The following DOP1A variants were observed in gnomAD, a reference collection of about 807,000 sequenced individuals.
The protein encoded by DOP1A is DOP1 leucine zipper like protein A.
Under a neutral mutation model 267.6 loss-of-function variants are expected in DOP1A, and 90 were observed. That is an observed-to-expected ratio of 0.34 (90% CI 0.28 to 0.40). The LOEUF (loss-of-function observed/expected upper bound fraction) is 0.40. Among genes scored for constraint, DOP1A ranks in the 10% least tolerant of loss-of-function variants. The probability of loss-of-function intolerance (pLI) is 1.00; values close to 1 mark genes in which losing one functional copy is unlikely to be tolerated. For missense variants in DOP1A, 2,437 were observed against 2,900.4 expected (o/e 0.84, Z 3.67); for synonymous variants, 932 against 999.1 (o/e 0.93, Z 1.27).
At chr6:83,170,696 T>C (rs939795799), downstream of DOP1A, 4 of 476,460 alleles carry the variant, frequency 8.4e-6, no homozygotes, top group East Asian at 6.7e-5. Flanking sequence ...TTTCCACAAA[T>C]GCTTAGAGTT....
chr6:83,137,634 G>A lies in DOP1A; in HGVS notation c.3592G>A (p.Asp1198Asn). 6.2e-7 allele frequency: 1 copy of A among 1,613,818 alleles called. No individual in the cohort carries two copies. The highest frequency in any genetic ancestry group is 1.1e-5 in the South Asian group (1 of 91,080). The change falls in exon 21 of 39, where the codon GAT becomes AAT. Residue 1198 changes from aspartate (D) to asparagine (N), a missense_variant. Physicochemically the swap from Asp to Asn is conservative, Grantham distance 23. Coordinates refer to ENST00000349129, the MANE Select transcript of DOP1A (RefSeq NM_015018.4). Reference protein sequence around the residue: ...DPDEETIKIEDDSIQQSQNAL... With the variant: ...DPDEETIKIENDSIQQSQNAL... ...AGATGAAGAGACGATTAAAATTGAA[G>A]ATGACTCCATTCAACAGAGTCAGAA...
At position 83,151,899 on chromosome 6, in the gene DOP1A, T is replaced by C; in HGVS notation, c.5921T>C (p.Ile1974Thr). Residue 1974 changes from isoleucine to threonine, a missense_variant, in exon 29 of 39, where the codon ATA becomes ACA. Ile to Thr is a moderately conservative substitution (Grantham distance 89). Around this residue, in one of 9 missense-constraint regions of DOP1A, gnomAD observed 216 missense variants for 283.3 expected, o/e 0.76. Coordinates refer to ENST00000349129, the MANE Select transcript of DOP1A (RefSeq NM_015018.4). ...QRDLQDVTHK[I>T]VDAIGAIAGS... is the part of the protein sequence containing the mutation. ...TTTTTTTAGGATGTAACTCACAAAATAGTGGATGCAATTGGTGCAATTGCT... is the reference window on the plus strand; with the variant it reads ...TTTTTTTAGGATGTAACTCACAAAACAGTGGATGCAATTGGTGCAATTGCT... 8.1e-6 allele frequency: 13 copies of C among 1,613,780 alleles called. No homozygotes were observed. Among genetic ancestry groups the C allele is most frequent in the Non-Finnish European group, 1.1e-5 (13 of 1,179,852 alleles).
At chr6:83,113,269 G>T in intron 6 of DOP1A, 54 bp from the exon 7 acceptor site, 1 of 1,414,968 alleles carries the variant, frequency 7.1e-7, no homozygotes, top group Non-Finnish European at 9.8e-7. Context: ...CATTTTCGTG[G>T]CAAAAATGTC....
chr6:83,154,861 ATAT>A (rs1782447325), intron 33 of DOP1A, among the ~76,000 whole-genome samples: 1 of 152,210 alleles, frequency 6.6e-6, no homozygotes, highest in African/African-American at 2.4e-5. Context: ...TGATTCTGTA[ATAT>A]TTTTTAACAA....
At chr6:83,118,289 T>C (rs886231084) in intron 7 of DOP1A, among the ~76,000 whole-genome samples, 2 of 152,070 alleles carry the variant, frequency 1.3e-5, no homozygotes, top group Admixed American at 6.6e-5. Flanking sequence ...CCTTTAATCA[T>C]TTTTTTAAAC....
At chr6:83,152,097 T>G in intron 29 of DOP1A, 70 bp downstream of exon 29, 1 of 1,578,906 alleles carries the variant, frequency 6.3e-7, no homozygotes, top group Non-Finnish European at 8.7e-7. Flanking sequence ...TCATTTTGCC[T>G]AGCACTATAA....
intron 3 of DOP1A, among the ~76,000 whole-genome samples, chr6:83,099,617 A>G (rs1772163606): frequency 6.6e-6 from 1 of 152,110 alleles, no homozygotes; most frequent in South Asian, 2.1e-4. Context: ...AACTCAAAGA[A>G]GAATACCCAA....
chr6:83,171,055 T>C (rs1786988221), downstream of DOP1A: 1 of 152,762 alleles, frequency 6.5e-6, no homozygotes, highest in African/African-American at 2.4e-5. Context: ...AAAATAATGT[T>C]GGGGCCAGGT....
intron 16 of DOP1A, 110 bp downstream of exon 16, chr6:83,129,618 T>C: frequency 9.4e-7 from 1 of 1,063,582 alleles, no homozygotes; most frequent in Non-Finnish European, 1.3e-6. Context: ...CTTTTTTTAA[T>C]GTTTTAATTT....
chr6:83,166,628 A>G (rs1785738847), intron 38 of DOP1A: 9 of 892,930 alleles, frequency 1.0e-5, no homozygotes, highest in Non-Finnish European at 1.4e-5. Flanking sequence ...ATGTACTCCA[A>G]TATAAAACGG....
intron 1 of DOP1A, among the ~76,000 whole-genome samples, chr6:83,093,762 C>T (rs1410720192): frequency 6.6e-6 from 1 of 152,182 alleles, no homozygotes; most frequent in Non-Finnish European, 1.5e-5. Flanking sequence ...AAAAATTAGC[C>T]AGGCATGGTG....
chr6:83,074,999 A>G (rs547230293), intron 1 of DOP1A, among the ~76,000 whole-genome samples: 1 of 152,322 alleles, frequency 6.6e-6, no homozygotes, highest in South Asian at 2.1e-4. Flanking sequence ...TCATCCATCC[A>G]GTTACCACCT....
rs1439917086 is a variant in DOP1A, at chr6:83,067,710, C to G, written c.-216C>G. 6.6e-6 allele frequency: 1 copy of G among 152,112 alleles called. No homozygotes were observed. Among genetic ancestry groups the G allele is most frequent in the African/African-American group, 2.4e-5 (1 of 41,416 alleles). 9.4% of individuals were successfully genotyped at this position (152,112 alleles called of 1,614,324 possible). A position where few individuals can be genotyped will look rare whatever the true frequency, so the allele number is the denominator to read the frequency against. On this transcript the variant is annotated 5_prime_UTR_variant, in exon 1 of 39. Coordinates refer to ENST00000349129, the MANE Select transcript of DOP1A (RefSeq NM_015018.4). ...GAGCTGTCACTAGGCCCTTCGGCTC[C>G]CGGTCTCGGTGTAGCTGCCGTGGTT...
At chr6:83,088,529 T>C (rs1769742200) in intron 1 of DOP1A, among the ~76,000 whole-genome samples, 1 of 151,494 alleles carries the variant, frequency 6.6e-6, no homozygotes, top group South Asian at 2.1e-4. Context: ...TTCAAGCGAT[T>C]CTCCTGCATC....
chr6:83,120,697 C>A lies in DOP1A; in HGVS notation c.1005C>A (p.Ile335=). The change falls in exon 10 of 39, where the codon ATC becomes ATA. Residue 335 remains isoleucine, a synonymous_variant. Coordinates refer to ENST00000349129, the MANE Select transcript of DOP1A (RefSeq NM_015018.4). ...CTTTTTTAAAGGCAATGGTGGGAAT[C>A]TTACAAGTGAATGGATTTGGAGAAG... ...KELLVQAMVG[I]LQVNGFGEEN... 1 of 1,579,004 alleles carries A rather than the reference C, an allele frequency of 6.3e-7. No homozygotes were observed. Among genetic ancestry groups the A allele is most frequent in the Non-Finnish European group, 8.7e-7 (1 of 1,154,042 alleles).
chr6:83,083,821 A>T (rs1162414684), intron 1 of DOP1A, among the ~76,000 whole-genome samples: 1 of 152,170 alleles, frequency 6.6e-6, no homozygotes, highest in Non-Finnish European at 1.5e-5. Context: ...AATCCCACCT[A>T]CCTGCTAATG....
chr6:83,138,338 C>G lies in DOP1A; in HGVS notation c.4296C>G (p.Gly1432=). 6.2e-7 allele frequency: 1 copy of G among 1,611,702 alleles called. No homozygotes were observed. The highest frequency in any genetic ancestry group is 8.5e-7 in the Non-Finnish European group (1 of 1,179,916). ...LLARHRISVM[G]KDFYSHIPVD... ...CCAGACACCGGATTTCTGTTATGGGCAAAGATTTTTATAGTCACATTCCAG... is the reference window on the plus strand; with the variant it reads ...CCAGACACCGGATTTCTGTTATGGGGAAAGATTTTTATAGTCACATTCCAG... The change falls in exon 21 of 39, where the codon GGC becomes GGG. Residue 1432 remains glycine, a synonymous_variant. Coordinates refer to ENST00000349129, the MANE Select transcript of DOP1A (RefSeq NM_015018.4).
intron 24 of DOP1A, among the ~76,000 whole-genome samples, chr6:83,143,926 G>A (rs1780047592): frequency 6.6e-6 from 1 of 152,112 alleles, no homozygotes; most frequent in Non-Finnish European, 1.5e-5. Context: ...CAAAACACTG[G>A]AGATAAAGAA....
At chr6:83,120,247 T>C (rs1776156861) in intron 9 of DOP1A, among the ~76,000 whole-genome samples, 1 of 151,886 alleles carries the variant, frequency 6.6e-6, no homozygotes, top group African/African-American at 2.4e-5. Flanking sequence ...ATATTTGAAA[T>C]AGAAGAAAAT....
Sources: allele counts gnomAD v4.1 joint callset (sites outside exome capture counted in the v4.1 genomes callset), GRCh38; gene constraint gnomAD v4.1.1; regional missense constraint gnomAD v4.1.1; transcripts MANE v1.5; gene names NCBI Gene and HGNC (gene_info 2026-07-23, HGNC 2026-07-21).